The following LPIN2 variants were observed in gnomAD, a reference collection of about 807,000 sequenced individuals.
The protein encoded by LPIN2 is phosphatidate phosphatase LPIN2.
LPIN2 carries 55 observed loss-of-function variants against 111.4 expected under a neutral mutation model. The ratio of observed to expected loss-of-function variants is 0.49; its 90% CI spans 0.40 to 0.62. The LOEUF (loss-of-function observed/expected upper bound fraction) is 0.62. Among genes scored for constraint, LPIN2 ranks in the 20% least tolerant of loss-of-function variants. The probability of loss-of-function intolerance (pLI) is 0.00; values close to 1 mark genes in which losing one functional copy is unlikely to be tolerated. For missense variants in LPIN2, 992 were observed against 1,112.1 expected (o/e 0.89, Z 1.54); for synonymous variants, 425 against 414.0 (o/e 1.03, Z -0.32).
intron 3 of LPIN2, among the ~76,000 whole-genome samples, chr18:2,953,744 TTATG>T (rs2143130269): frequency 6.6e-6 from 1 of 152,296 alleles, no homozygotes; most frequent in African/African-American, 2.4e-5. Flanking sequence ...ACTTTATTCT[TTATG>T]AAGAATGATG....
intron 4 of LPIN2, chr18:2,946,849 C>T (rs928150699): frequency 1.2e-5 from 4 of 334,678 alleles, no homozygotes; most frequent in East Asian, 8.0e-5. Context: ...CGAATTTCAG[C>T]GTGGCTAATG....
chr18:2,922,261 CAAAAAAA>C, intron 16 of LPIN2, 62 bp from the exon 17 acceptor site: 2 of 1,362,640 alleles, frequency 1.5e-6, no homozygotes, highest in South Asian at 1.3e-5. Context: ...AAACAAAAAA[CAAAAAAA>C]AAACCCCACA....
intron 1 of LPIN2, among the ~76,000 whole-genome samples, chr18:3,008,069 T>G (rs1264261947): frequency 6.6e-6 from 1 of 152,230 alleles, no homozygotes; most frequent in Non-Finnish European, 1.5e-5. Flanking sequence ...CAAACTGCAA[T>G]CCCATACTAA....
chr18:3,012,971 G>C (rs2078632907), intron 1 of LPIN2, 116 bp downstream of exon 1: 1 of 150,966 alleles, frequency 6.6e-6, no homozygotes, highest in African/African-American at 2.4e-5. Flanking sequence ...GCCCCGGAGG[G>C]TCCCGGCCTC....
chr18:2,944,101 C>A (rs560878686), intron 4 of LPIN2, among the ~76,000 whole-genome samples: 2 of 151,660 alleles, frequency 1.3e-5, no homozygotes, highest in Admixed American at 1.3e-4. Context: ...CCTAATTTTT[C>A]TTCTTAAGCT....
intron 1 of LPIN2, among the ~76,000 whole-genome samples, chr18:2,989,998 C>T (rs182520048): frequency 5.1e-4 from 77 of 151,900 alleles, no homozygotes; most frequent in Non-Finnish European, 6.0e-4. Context: ...ATGGAATAGA[C>T]TTGAGAGTCC....
chr18:2,951,437 T>C, intron 3 of LPIN2, 81 bp from the exon 4 acceptor site: 2 of 1,189,130 alleles, frequency 1.7e-6, no homozygotes, highest in Non-Finnish European at 2.3e-6. Context: ...AATATATAAA[T>C]TTTCACCATG....
At chr18:2,927,673 A>G (rs1158314295) in intron 12 of LPIN2, 49 bp downstream of exon 12, 1 of 1,583,148 alleles carries the variant, frequency 6.3e-7, no homozygotes, top group Non-Finnish European at 8.7e-7. Context: ...AATAAATGAA[A>G]GATTCATTTC....
chr18:2,969,896 G>C (rs1254632495), intron 1 of LPIN2, among the ~76,000 whole-genome samples: 1 of 152,304 alleles, frequency 6.6e-6, no homozygotes, highest in East Asian at 1.9e-4. Context: ...ATGGGCTCAA[G>C]TTCACATCCT....
At chr18:2,939,389 G>C (rs1598543090) in intron 6 of LPIN2, 91 bp downstream of exon 6, 17 of 1,496,790 alleles carry the variant, frequency 1.1e-5, no homozygotes, top group Non-Finnish European at 1.6e-5. Context: ...TGAGAGCTCA[G>C]TCAGAAATTG....
chr18:3,009,634 T>C (rs1555609922), intron 1 of LPIN2, among the ~76,000 whole-genome samples: 1 of 151,848 alleles, frequency 6.6e-6, no homozygotes, highest in Non-Finnish European at 1.5e-5. Context: ...AGAGACAGGG[T>C]TTCACCACGT....
At chr18:2,964,396 A>G (rs1054062919) in intron 1 of LPIN2, among the ~76,000 whole-genome samples, 1 of 151,836 alleles carries the variant, frequency 6.6e-6, no homozygotes, top group African/African-American at 2.4e-5. Flanking sequence ...CTGACGCCCA[A>G]TGTGATGGTA....
At chr18:2,955,504 T>G (rs2077596731) in intron 2 of LPIN2, among the ~76,000 whole-genome samples, 1 of 152,224 alleles carries the variant, frequency 6.6e-6, no homozygotes. Flanking sequence ...TCTGCCCCCA[T>G]GATCCAAACA....
At chr18:2,939,961 A>G (rs1004614808) in intron 5 of LPIN2, among the ~76,000 whole-genome samples, 47 of 152,240 alleles carry the variant, frequency 3.1e-4, no homozygotes, top group African/African-American at 1.1e-3. Flanking sequence ...ATAAACAGTT[A>G]TGACTATACT....
chr18:2,999,938 C>A (rs1236443616), intron 1 of LPIN2, among the ~76,000 whole-genome samples: 2 of 152,000 alleles, frequency 1.3e-5, no homozygotes, highest in Non-Finnish European at 2.9e-5. Context: ...CCTGTAATCC[C>A]AGCACTTCAG....
intron 1 of LPIN2, among the ~76,000 whole-genome samples, chr18:2,969,795 G>C (rs1180566369): frequency 6.6e-6 from 1 of 152,168 alleles, no homozygotes; most frequent in Non-Finnish European, 1.5e-5. Flanking sequence ...GATTCTGACA[G>C]ACACCCAAGT....
rs551348633 is a variant in LPIN2, at chr18:2,917,741, G to A, written c.*2552C>T. On this transcript the variant is annotated 3_prime_UTR_variant, in exon 20 of 20. Coordinates refer to ENST00000677752, the MANE Select transcript of LPIN2 (RefSeq NM_001375808.2). ...ACAAGGGGCAGACAGCAACTCACACGGGACGAGCTTCAGCACACAGACAGC... is the reference window on the plus strand; with the variant it reads ...ACAAGGGGCAGACAGCAACTCACACAGGACGAGCTTCAGCACACAGACAGC... The A allele has an allele frequency of 2.6e-5, 4 of 152,482 alleles. No individual in the cohort carries two copies. Among genetic ancestry groups the A allele is most frequent in the East Asian group, 1.9e-4 (1 of 5,182 alleles). The allele number at this position is 152,482 out of a possible 1,614,324, so 9.4% of individuals were successfully genotyped here.
chr18:2,948,481 C>T (rs1330079162), intron 4 of LPIN2: 6 of 152,206 alleles, frequency 3.9e-5, no homozygotes, highest in Admixed American at 2.6e-4. Flanking sequence ...TAGTAGGGAA[C>T]TTGGCATATG....
chr18:2,935,301 A>G (rs942139031), intron 7 of LPIN2, among the ~76,000 whole-genome samples: 4 of 151,680 alleles, frequency 2.6e-5, no homozygotes, highest in African/African-American at 9.8e-5. Context: ...GAGATGATTC[A>G]AAATTACACA....
Sources: gnomAD v4.1 joint callset for allele counts (sites outside exome capture counted in the v4.1 genomes callset) on GRCh38, gnomAD v4.1.1 for gene constraint, MANE v1.5 for transcripts, NCBI Gene and HGNC (gene_info 2026-07-23, HGNC 2026-07-21) for gene names.